The following CEP162 variants were observed in gnomAD, a reference collection of about 807,000 sequenced individuals.
CEP162 encodes the protein centrosomal protein 162, also known as centrosomal protein of 162 kDa.
CEP162 carries 141 observed loss-of-function variants against 169.2 expected under a neutral mutation model. The ratio of observed to expected loss-of-function variants is 0.83; its 90% confidence interval spans 0.73 to 0.96. The LOEUF (loss-of-function observed/expected upper bound fraction) is 0.96, where lower values mean the gene tolerates loss of function less well. Among genes scored for constraint, CEP162 ranks in the 40% least tolerant of loss-of-function variants. The pLI is 0.00. For synonymous variants in CEP162, 540 were observed against 526.4 expected (o/e 1.03, Z -0.35); for missense variants, 1,600 against 1,587.2 (o/e 1.01, Z -0.14).
intron 3 of CEP162, among the ~76,000 whole-genome samples, chr6:84,216,738 AT>A (rs1325416786): frequency 1.3e-5 from 2 of 152,194 alleles, no homozygotes; most frequent in African/African-American, 4.8e-5. Flanking sequence ...TGTGGAGAGA[AT>A]TGATATGCTG....
intron 6 of CEP162, among the ~76,000 whole-genome samples, chr6:84,209,147 T>A (rs965782255): frequency 6.6e-6 from 1 of 152,130 alleles, no homozygotes; most frequent in African/African-American, 2.4e-5. Context: ...TAAATTCAAT[T>A]CCCGGTTCCA....
intron 18 of CEP162, among the ~76,000 whole-genome samples, chr6:84,164,988 C>T (rs2099527277): frequency 6.6e-6 from 1 of 152,078 alleles, no homozygotes; most frequent in African/African-American, 2.4e-5. Context: ...ATCACCTCTT[C>T]TATAAATCCC....
At chr6:84,151,653 A>G (rs1036216424) in intron 23 of CEP162, among the ~76,000 whole-genome samples, 1 of 152,156 alleles carries the variant, frequency 6.6e-6, no homozygotes, top group Non-Finnish European at 1.5e-5. Context: ...GAAAACTAAG[A>G]GCTGAATGCT....
intron 6 of CEP162, among the ~76,000 whole-genome samples, chr6:84,204,324 G>C (rs1348345176): frequency 6.6e-6 from 1 of 152,094 alleles, no homozygotes; most frequent in Non-Finnish European, 1.5e-5. Flanking sequence ...CCACATAGTT[G>C]CAAGTAAAGC....
intron 8 of CEP162, 23 bp downstream of exon 8, chr6:84,201,714 A>G (rs1309173852): frequency 1.2e-5 from 14 of 1,217,024 alleles, no homozygotes; most frequent in Non-Finnish European, 1.5e-5. Context: ...GCCAACTAAA[A>G]CATGAATATA....
In CEP162 at chr6:84,200,799, C is replaced by A; in HGVS notation, c.825G>T (p.Met275Ile). ...RCLPEMTENEMTGTGVSYGQS... is the reference protein window; with the variant it reads ...RCLPEMTENEITGTGVSYGQS... Reference sequence around the variant, plus strand: ...TCTAAACATTTTTACCTGTTCCTGTCATTTCATTCTCAGTCATTTCTGGTA... The same window carrying A: ...TCTAAACATTTTTACCTGTTCCTGTAATTTCATTCTCAGTCATTTCTGGTA... The change falls in exon 9 of 27, where the codon ATG (methionine) becomes ATT (isoleucine). Residue 275 changes from methionine (M) to isoleucine (I), a missense_variant. By Grantham distance (10) the Met-to-Ile change is conservative (BLOSUM62 1). Coordinates refer to ENST00000403245, the MANE Select transcript of CEP162 (RefSeq NM_014895.4). 6.3e-7 allele frequency: 1 copy of A among 1,584,074 alleles called. No homozygotes were observed. The highest frequency in any genetic ancestry group is 8.7e-7 in the Non-Finnish European group (1 of 1,153,110).
Position 84,125,173 on chromosome 6 carries a change from C to G in CEP162, c.4109G>C (p.Arg1370Pro), listed in dbSNP as rs377765191. The change falls in exon 27 of 27, where the codon CGC becomes CCC. Residue 1370 changes from arginine (R) to proline (P), a missense_variant. Transcript: ENST00000403245. ...QLKNRELEKFRTELDSILDVL... is the reference protein window; with the variant it reads ...QLKNRELEKFPTELDSILDVL... ...ATCTAATATTGAGTCTAGTTCTGTG[C>G]GGAACTTCTCCAGCTCACGATTCTT... 2 of 1,613,424 alleles carry G rather than the reference C, an allele frequency of 1.2e-6. No individual in the cohort carries two copies. Among genetic ancestry groups the G allele is most frequent in the African/African-American group, 2.7e-5 (2 of 74,896 alleles).
intron 10 of CEP162, among the ~76,000 whole-genome samples, chr6:84,194,354 C>CAAA (rs569413628): frequency 2.1e-5 from 2 of 93,810 alleles, no homozygotes; most frequent in South Asian, 3.2e-4. Flanking sequence ...GACTCCGTCT[C>CAAA]AAAAAAAAAA....
intron 25 of CEP162, among the ~76,000 whole-genome samples, chr6:84,128,233 A>G (rs1445740024): frequency 6.6e-6 from 1 of 152,202 alleles, no homozygotes; most frequent in Non-Finnish European, 1.5e-5. Context: ...ACAAATAGAG[A>G]AAATTTCCTT....
Position 84,210,947 on chromosome 6 carries a change from G to C in CEP162, c.571+2010C>G, listed in dbSNP as rs182255490. Reference sequence around the variant, plus strand: ...TAGGATCAACTACTTACCAGACAAGGCTCAATAATACTCTTTAAAAGAAGA... The same window carrying C: ...TAGGATCAACTACTTACCAGACAAGCCTCAATAATACTCTTTAAAAGAAGA... On this transcript the variant is annotated intron_variant, in intron 6 of 26. Coordinates refer to ENST00000403245, the MANE Select transcript of CEP162 (RefSeq NM_014895.4). Among the ~76,000 whole-genome samples the C allele has an allele frequency of 2.0e-5, 3 of 151,684 alleles. No homozygotes were observed. The East Asian group carries it at 5.8e-4, about 29-fold the overall frequency.
chr6:84,200,792 T>A lies in CEP162; in HGVS notation c.832A>T (p.Thr278Ser), dbSNP rs759542913. The change falls in exon 9 of 27, where the codon ACA becomes TCA. Residue 278 changes from threonine to serine, a missense_variant. Transcript: ENST00000403245. ...PEMTENEMTG[T>S]GVSYGQSSSD... ...TCAGGTTTCTAAACATTTTTACCTG[T>A]TCCTGTCATTTCATTCTCAGTCATT... 5 of 1,556,270 alleles carry A rather than the reference T, an allele frequency of 3.2e-6. No individual in the cohort carries two copies. The Admixed American group carries it at 8.3e-5, about 26-fold the overall frequency.
chr6:84,204,165 G>T, intron 6 of CEP162, 69 bp from the exon 7 acceptor site: 1 of 894,786 alleles, frequency 1.1e-6, no homozygotes, highest in Non-Finnish European at 1.7e-6. Flanking sequence ...GGAAAAGGCT[G>T]TTGATTTCGA....
intron 26 of CEP162, 136 bp from the exon 27 acceptor site, chr6:84,125,412 C>A: frequency 1.4e-6 from 1 of 704,468 alleles, no homozygotes; most frequent in Admixed American, 2.6e-5. Flanking sequence ...GTGGATGCAA[C>A]ATTTTCTGTC....
intron 21 of CEP162, among the ~76,000 whole-genome samples, chr6:84,159,988 A>G (rs2099525114): frequency 6.6e-6 from 1 of 152,120 alleles, no homozygotes; most frequent in South Asian, 2.1e-4. Context: ...TAAAAGTAAT[A>G]AAGTTAATTC....
intron 25 of CEP162, among the ~76,000 whole-genome samples, chr6:84,131,919 GC>G (rs1434097072): frequency 1.3e-5 from 2 of 152,192 alleles, no homozygotes; most frequent in Non-Finnish European, 2.9e-5. Flanking sequence ...ATTAGTTGGT[GC>G]AGTTTCTTCC....
At chr6:84,160,956 A>T (rs755359696) in intron 20 of CEP162, 40 bp from the exon 21 acceptor site, 1 of 1,342,980 alleles carries the variant, frequency 7.4e-7, no homozygotes, top group Middle Eastern at 1.8e-4. Context: ...GCATATGTAA[A>T]CATAACAGAA....
At chr6:84,194,339 A>T (rs1400397945) in intron 10 of CEP162, among the ~76,000 whole-genome samples, 15 of 149,214 alleles carry the variant, frequency 1.0e-4, no homozygotes, top group Non-Finnish European at 1.8e-4. Flanking sequence ...TGGGCGACAG[A>T]GCAAGACTCC....
intron 7 of CEP162, 79 bp downstream of exon 7, chr6:84,203,902 T>C: frequency 4.7e-6 from 3 of 640,472 alleles, no homozygotes; most frequent in Non-Finnish European, 7.7e-6. Context: ...CTCCATTTTT[T>C]GAGCTCTTCA....
rs2099521803 is a variant in CEP162 at position 84,153,191 on chromosome 6, A to C, written c.2995-12T>G. ...TGTTCATACTGAATCTGAAGGAAAG[A>C]ATCCATGTAATGCCAAACACCTGTT... On this transcript the variant is annotated splice_polypyrimidine_tract_variant and intron_variant, in intron 22 of 26. Transcript: ENST00000403245. 1 of 1,583,518 alleles carries C rather than the reference A, an allele frequency of 6.3e-7. No individual in the cohort carries two copies. The highest frequency in any genetic ancestry group is 2.2e-5 in the East Asian group (1 of 44,608).
Sources: gnomAD v4.1 joint callset for allele counts (sites outside exome capture counted in the v4.1 genomes callset) on GRCh38, gnomAD v4.1.1 for gene constraint, MANE v1.5 for transcripts, NCBI Gene and HGNC (gene_info 2026-07-23, HGNC 2026-07-21) for gene names.